Variants in CNKSR2 observed in about 807,000 individuals in gnomAD.
CNKSR2 encodes CNK homolog protein 2.
Under a neutral mutation model 84.4 loss-of-function variants are expected in CNKSR2, and 14 were observed. The observed-to-expected ratio is 0.17, with a 90% CI of 0.11 to 0.26. CNKSR2 has a LOEUF of 0.26. CNKSR2 is among the 10% of genes least tolerant of loss of function. The pLI is 1.00. For synonymous variants in CNKSR2, 275 were observed against 277.9 expected (o/e 0.99, Z 0.10); for missense variants, 485 against 771.2 (o/e 0.63, Z 4.40).
At chrX:21,382,973 G>C (rs1203880503) in intron 1 of CNKSR2, among the ~76,000 whole-genome samples, 1 of 112,071 alleles carries the variant, frequency 8.9e-6, no homozygotes, top group Non-Finnish European at 1.9e-5. Flanking sequence ...CATGCTGCTA[G>C]ATAATCACTA....
intron 4 of CNKSR2, among the ~76,000 whole-genome samples, chrX:21,450,717 G>A (rs192309677): frequency 8.1e-4 from 90 of 111,734 alleles, no homozygotes; most frequent in African/African-American, 2.8e-3. Context: ...ACCCTATAGA[G>A]TTTCCTTTCC....
Position 21,516,520 on chromosome X carries a change from A to G in CNKSR2, c.846A>G (p.Leu282=). ...AGTTGAAAAATTTGGTGAATGCACTACGAGAGGACCCGAGTGGTGTTATCT... is the reference window on the plus strand; with the variant it reads ...AGTTGAAAAATTTGGTGAATGCACTGCGAGAGGACCCGAGTGGTGTTATCT... The part of the protein sequence containing the change: ...GWQLKNLVNA[L]REDPSGVILT... Residue 282 remains leucine (L), a synonymous_variant, in exon 9 of 22, where the codon CTA becomes CTG. Coordinates refer to ENST00000379510, the MANE Select transcript of CNKSR2 (RefSeq NM_014927.5). The G allele has an allele frequency of 1.7e-6, 2 of 1,209,631 alleles. No individual in the cohort carries two copies. Among genetic ancestry groups the G allele is most frequent in the South Asian group, 3.5e-5 (2 of 56,864 alleles).
chrX:21,377,085 C>T (rs1008084927), intron 1 of CNKSR2, among the ~76,000 whole-genome samples: 2 of 111,693 alleles, frequency 1.8e-5, no homozygotes, highest in East Asian at 5.6e-4. Context: ...CTGTTGGTGA[C>T]GCATTTTAGA....
At chrX:21,583,041 CT>C (rs1374434025) in intron 13 of CNKSR2, among the ~76,000 whole-genome samples, 2 of 111,924 alleles carry the variant, frequency 1.8e-5, no homozygotes, top group Non-Finnish European at 3.8e-5. Context: ...TCTTATTTGA[CT>C]GCTAATTTAC....
intron 9 of CNKSR2, 66 bp from the exon 10 acceptor site, chrX:21,526,786 ATTGTTGTTGTTGTTG>A: frequency 1.3e-6 from 1 of 766,014 alleles, no homozygotes; most frequent in Admixed American, 2.7e-5. Flanking sequence ...ACTATGTGTC[ATTGTTGTTGTTGTTG>A]TTGTTGTTGT....
At chrX:21,468,273 T>C (rs1411439812) in intron 4 of CNKSR2, among the ~76,000 whole-genome samples, 1 of 111,336 alleles carries the variant, frequency 9.0e-6, no homozygotes, top group Non-Finnish European at 1.9e-5. Flanking sequence ...ATTTAGTATA[T>C]TCAATATTAT....
At chrX:21,497,684 A>T in intron 6 of CNKSR2, 103 bp from the exon 7 acceptor site, 1 of 493,356 alleles carries the variant, frequency 2.0e-6, no homozygotes, top group Non-Finnish European at 3.6e-6. Context: ...GGCGTGTGGC[A>T]GTTTTAATTT....
At chrX:21,433,012 C>T (rs1489046674) in intron 3 of CNKSR2, among the ~76,000 whole-genome samples, 198 bp downstream of exon 3, 1 of 111,659 alleles carries the variant, frequency 9.0e-6, no homozygotes, top group African/African-American at 3.3e-5. Context: ...AACTAAGTAG[C>T]CAATCAATAA....
rs2092714702 is a variant in CNKSR2, at chrX:21,649,144, A to G, written c.2889+117A>G. 3 of 498,681 alleles carry G rather than the reference A, an allele frequency of 6.0e-6. No individual in the cohort carries two copies. In the South Asian group the frequency reaches 1.1e-4, roughly 19 times the overall value. 41.1% of individuals were successfully genotyped at this position (498,681 alleles called of 1,213,427 possible). A position where few individuals can be genotyped will look rare whatever the true frequency, so the allele number is the denominator to read the frequency against. On this transcript the variant is annotated intron_variant, in intron 21 of 21. Transcript: ENST00000379510. Reference sequence around the variant, plus strand: ...GGGCTGGGGAGAAGAAGAGGCAAGCAGTAAGAACTTGAAGCTGAGCTATTT... The same window carrying G: ...GGGCTGGGGAGAAGAAGAGGCAAGCGGTAAGAACTTGAAGCTGAGCTATTT...
intron 7 of CNKSR2, among the ~76,000 whole-genome samples, chrX:21,499,769 A>C (rs2091540132): frequency 9.0e-6 from 1 of 110,580 alleles, no homozygotes; most frequent in Non-Finnish European, 1.9e-5. Flanking sequence ...CTAATTTCTT[A>C]GTTTTCTTAT....
chrX:21,595,455 G>A (rs2092446336), intron 17 of CNKSR2, 60 bp downstream of exon 17: 1 of 661,654 alleles, frequency 1.5e-6, no homozygotes, highest in Non-Finnish European at 2.3e-6. Context: ...ATTTTCTACA[G>A]TAATTCTTAG....
At position 21,609,509 on chromosome X, in the gene CNKSR2, G is replaced by C. The variant is rs2053302515; in HGVS notation, c.2584G>C (p.Val862Leu). 1.7e-5 allele frequency: 21 copies of C among 1,211,245 alleles called. No individual in the cohort carries two copies. Among genetic ancestry groups the C allele is most frequent in the Non-Finnish European group, 2.3e-5 (21 of 895,470 alleles). Residue 862 changes from valine to leucine, a missense_variant, in exon 20 of 22, where the codon GTT becomes CTT. This residue lies in a region of CNKSR2 where 210 missense variants were observed against 291.5 expected (regional missense o/e 0.72). Transcript: ENST00000379510. ...CAACCATTGCTGTCTGAATGCTCCA[G>C]TTAGTGCCTGTGACCCACAGGATGA... ...GFNHCCLNAP[V>L]SACDPQDDVQ...
At chrX:21,619,382 A>G (rs1482470311) in intron 20 of CNKSR2, among the ~76,000 whole-genome samples, 2 of 112,101 alleles carry the variant, frequency 1.8e-5, no homozygotes, top group African/African-American at 6.5e-5. Context: ...AATACAGAAA[A>G]TTGTATTTTG....
chrX:21,633,018 C>CACACACAT (rs1169419704), intron 20 of CNKSR2, among the ~76,000 whole-genome samples: 6 of 111,488 alleles, frequency 5.4e-5, no homozygotes, highest in Admixed American at 9.6e-5. Context: ...CACACACACA[C>CACACACAT]ACACACATAC....
chrX:21,407,612 A>G (rs889638697), intron 1 of CNKSR2, among the ~76,000 whole-genome samples: 14 of 111,521 alleles, frequency 1.3e-4, no homozygotes, highest in African/African-American at 4.2e-4. Context: ...TAATGAAATC[A>G]GCTCTTTTAT....
intron 4 of CNKSR2, among the ~76,000 whole-genome samples, chrX:21,467,475 AAC>A (rs1161119710): frequency 9.0e-6 from 1 of 111,400 alleles, no homozygotes; most frequent in Non-Finnish European, 1.9e-5. Flanking sequence ...GATTTGTTTT[AAC>A]ACAGAGTTTA....
chrX:21,506,824 T>A (rs2091617236), intron 8 of CNKSR2: 1 of 111,412 alleles, frequency 9.0e-6, no homozygotes, highest in Admixed American at 9.6e-5. Context: ...ACGTGGTTAC[T>A]ATGATCTAGT....
At chrX:21,548,813 A>G (rs1375306702) in intron 11 of CNKSR2, among the ~76,000 whole-genome samples, 4 of 112,365 alleles carry the variant, frequency 3.6e-5, no homozygotes, top group Non-Finnish European at 7.5e-5. Flanking sequence ...AGAACCAATG[A>G]CAAAAACCTC....
chrX:21,447,382 G>C (rs181004034), intron 4 of CNKSR2, among the ~76,000 whole-genome samples: 1 of 111,319 alleles, frequency 9.0e-6, no homozygotes, highest in Non-Finnish European at 1.9e-5. Flanking sequence ...TGCTTATTAT[G>C]TCTTGTACTT....
Sources: gnomAD v4.1 joint callset for allele counts (sites outside exome capture counted in the v4.1 genomes callset) on GRCh38, gnomAD v4.1.1 for gene constraint, gnomAD v4.1.1 regional missense constraint, MANE v1.5 for transcripts, NCBI Gene and HGNC (gene_info 2026-07-23, HGNC 2026-07-21) for gene names.